Variants in CUEDC1 observed in about 807,000 individuals in gnomAD.
CUEDC1 encodes CUE domain-containing protein 1.
In CUEDC1, 30 loss-of-function variants were observed where a neutral mutation model predicts 43.7. That is an observed-to-expected ratio of 0.69 (90% CI 0.51 to 0.93). The LOEUF is 0.93. Ranked by LOEUF, CUEDC1 falls within the 40% of genes least tolerant of loss-of-function variation. The pLI, the probability that CUEDC1 is intolerant of heterozygous loss-of-function variation, is 0.00. For synonymous variants in CUEDC1, 223 were observed against 223.6 expected (o/e 1.00, Z 0.02); for missense variants, 486 against 549.0 (o/e 0.89, Z 1.15).
Position 57,955,283 on chromosome 17 carries a change from G to A in CUEDC1, c.-374C>T, listed in dbSNP as rs918291327. On this transcript the variant is annotated 5_prime_UTR_variant, in exon 1 of 11. Coordinates refer to ENST00000577830, the MANE Select transcript of CUEDC1 (RefSeq NM_001271875.2). This position sits in a 1 kb window ranked among gnomAD's most constrained non-coding sequence, Gnocchi z 5.3. The stretch of plus-strand genomic sequence containing the variant: ...CCGCAGGGGCCGGGCCGCGGGCCGG[G>A]CGGGGGAGGGGCTGCAATCCGCAGC... The A allele has an allele frequency of 6.8e-6, 1 of 147,166 alleles. No homozygotes were observed. The highest frequency in any genetic ancestry group is 6.8e-5 in the Admixed American group (1 of 14,766). The allele number at this position is 147,166 out of a possible 1,614,324, so 9.1% of individuals were successfully genotyped here.
intron 1 of CUEDC1, among the ~76,000 whole-genome samples, chr17:57,893,624 AC>A (rs141679813): frequency 0.14 from 21,920 of 151,946 alleles, 1,748 homozygotes; most frequent in Non-Finnish European, 0.17. Flanking sequence ...ACCTGTGCCC[AC>A]CCCCAGGCAG....
intron 1 of CUEDC1, among the ~76,000 whole-genome samples, chr17:57,925,131 A>C (rs757626426): frequency 2.0e-5 from 3 of 151,974 alleles, no homozygotes; most frequent in Non-Finnish European, 4.4e-5. Context: ...AAAAAAAAAA[A>C]AGAACAGAGG....
At chr17:57,927,112 T>C (rs540357231) in intron 1 of CUEDC1, among the ~76,000 whole-genome samples, 3 of 152,200 alleles carry the variant, frequency 2.0e-5, no homozygotes, top group Admixed American at 1.3e-4. Flanking sequence ...GGGGCCAATG[T>C]TTAGAATCCT....
chr17:57,924,019 G>A (rs1267032701), intron 1 of CUEDC1, among the ~76,000 whole-genome samples: 1 of 151,890 alleles, frequency 6.6e-6, no homozygotes, highest in Non-Finnish European at 1.5e-5. Context: ...ATATTGCCCA[G>A]GCTGGGCTCC....
intron 1 of CUEDC1, among the ~76,000 whole-genome samples, chr17:57,905,277 C>CACAT (rs747493907): frequency 0.094 from 14,254 of 151,132 alleles, 721 homozygotes; most frequent in African/African-American, 0.12. Context: ...CACACACACA[C>CACAT]ACACACACAC....
chr17:57,893,554 G>C (rs79785306), intron 1 of CUEDC1, among the ~76,000 whole-genome samples: 18,764 of 152,218 alleles, frequency 0.12, 1,498 homozygotes, highest in Non-Finnish European at 0.17. Flanking sequence ...GGCCACAGCT[G>C]CCGGGGCTGC....
intron 1 of CUEDC1, among the ~76,000 whole-genome samples, chr17:57,921,617 T>C (rs559907042): frequency 2.6e-5 from 4 of 152,340 alleles, no homozygotes; most frequent in Admixed American, 2.6e-4. Context: ...CTCTGCAGGC[T>C]CACGAGGGCT....
rs1003112152 is a variant in CUEDC1 at position 57,867,389 on chromosome 17, T to C, written c.1061A>G (p.Asn354Ser). The C allele has an allele frequency of 4.5e-6, 7 of 1,552,344 alleles. No individual in the cohort carries two copies. In the East Asian group the frequency reaches 7.3e-5, roughly 16 times the overall value. Reference protein sequence around the residue: ...QSLGAAASTANLLDDVEGHAC... With the variant: ...QSLGAAASTASLLDDVEGHAC... ...GTGGCCCTCCACATCATCCAGGAGG[T>C]TGGCTGTTGACGCGGCAGCCCCCAG... The change falls in exon 9 of 11, where the codon AAC becomes AGC. Residue 354 changes from asparagine to serine, a missense_variant. Coordinates refer to ENST00000577830, the MANE Select transcript of CUEDC1 (RefSeq NM_001271875.2).
At chr17:57,893,806 G>A (rs191680557) in intron 1 of CUEDC1, among the ~76,000 whole-genome samples, 3 of 152,282 alleles carry the variant, frequency 2.0e-5, no homozygotes, top group East Asian at 3.9e-4. Context: ...TGTAAAACAC[G>A]AGAATTTGGC....
At chr17:57,867,530 C>G in intron 8 of CUEDC1, 115 bp from the exon 9 acceptor site, 3 of 908,986 alleles carry the variant, frequency 3.3e-6, no homozygotes, top group Non-Finnish European at 5.2e-6. Context: ...CTGACACACC[C>G]ACCTGACCCC....
In CUEDC1 at chr17:57,943,711, A is replaced by G. The variant is rs539694221; in HGVS notation, c.-316+11514T>C. 1.4e-4 allele frequency among the ~76,000 whole-genome samples: 22 copies of G among 152,164 alleles called. No homozygotes were observed. In the South Asian group the frequency reaches 4.6e-3, roughly 32 times the overall value. The stretch of plus-strand genomic sequence containing the variant: ...TGCAACCCTCAAAGCAGATAGTAAA[A>G]ATCCACCCCAAAAAAAATCCTTCTC... On this transcript the variant is annotated intron_variant, in intron 1 of 10. Coordinates refer to ENST00000577830, the MANE Select transcript of CUEDC1 (RefSeq NM_001271875.2).
chr17:57,885,274 G>A lies in CUEDC1; in HGVS notation c.291C>T (p.Gly97=). 6.2e-7 allele frequency: 1 copy of A among 1,605,028 alleles called. No homozygotes were observed. Among genetic ancestry groups the A allele is most frequent in the Non-Finnish European group, 8.5e-7 (1 of 1,175,374 alleles). ...CCGAGTCGGAGCTGTCCTCATAGAC[G>A]CCGCCGCTGCTGCCACCGCCCTCCA... is the stretch of plus-strand genomic sequence containing the variant. ...MNLEGGGSSG[G]VYEDSSDSED... is the part of the protein sequence containing the mutation. Residue 97 remains glycine (G), a synonymous_variant, in exon 2 of 11, where the codon GGC becomes GGT. Coordinates refer to ENST00000577830, the MANE Select transcript of CUEDC1 (RefSeq NM_001271875.2).
rs753427174 is a variant in CUEDC1, at chr17:57,885,297, C to G, written c.268G>C (p.Glu90Gln). 2 of 1,610,140 alleles carry G rather than the reference C, an allele frequency of 1.2e-6. No homozygotes were observed. Among genetic ancestry groups the G allele is most frequent in the Non-Finnish European group, 1.7e-6 (2 of 1,178,734 alleles). Residue 90 changes from glutamate (E) to glutamine (Q), a missense_variant, in exon 2 of 11, where the codon GAG becomes CAG. Transcript: ENST00000577830. ...TIDQLLQMNLEGGGSSGGVYE... is the reference protein window; with the variant it reads ...TIDQLLQMNLQGGGSSGGVYE... Reference sequence around the variant, plus strand: ...ACGCCGCCGCTGCTGCCACCGCCCTCCAGGTTCATCTGCAGCAGCTGGTCG... The same window carrying G: ...ACGCCGCCGCTGCTGCCACCGCCCTGCAGGTTCATCTGCAGCAGCTGGTCG...
chr17:57,947,147 GAA>G (rs34707577), intron 1 of CUEDC1, among the ~76,000 whole-genome samples: 15 of 79,800 alleles, frequency 1.9e-4, no homozygotes, highest in African/African-American at 2.8e-4. Context: ...GTCACCAGGA[GAA>G]AAAAAAAAAA....
intron 1 of CUEDC1, among the ~76,000 whole-genome samples, chr17:57,891,943 C>A (rs570190557): frequency 1.3e-5 from 2 of 152,292 alleles, no homozygotes; most frequent in South Asian, 4.1e-4. Context: ...ATGTAAGCTC[C>A]ATGAAGGCAG....
chr17:57,922,879 C>CTCT (rs1199155917), intron 1 of CUEDC1, among the ~76,000 whole-genome samples: 3 of 144,056 alleles, frequency 2.1e-5, no homozygotes, highest in African/African-American at 7.7e-5. Context: ...CTCCCTCTCT[C>CTCT]TTTTTTTTTT....
chr17:57,871,384 C>T lies in CUEDC1; in HGVS notation c.785-15G>A, dbSNP rs138521949. ...TTTCAATCGATCTGGAAAAGGACCA[C>T]ATTCACAGGTCAGGGAGGTTAGCTC... On this transcript the variant is annotated splice_polypyrimidine_tract_variant and intron_variant, in intron 5 of 10. Transcript: ENST00000577830. 26 of 1,611,236 alleles carry T rather than the reference C, an allele frequency of 1.6e-5. No homozygotes were observed. In the East Asian group the frequency reaches 5.6e-4, roughly 35 times the overall value.
chr17:57,872,722 T>C lies in CUEDC1; in HGVS notation c.725A>G (p.Asn242Ser). Residue 242 changes from asparagine (N) to serine (S), a missense_variant, in exon 5 of 11, where the codon AAC becomes AGC. Transcript: ENST00000577830. Reference sequence around the variant, plus strand: ...TTGCAGCTCCTTCATGAACTCCTCGTTCTGCAGGAAAAGCGCGATCCTCTC... The same window carrying C: ...TTGCAGCTCCTTCATGAACTCCTCGCTCTGCAGGAAAAGCGCGATCCTCTC... Reference protein sequence around the residue: ...EDERIALFLQNEEFMKELQRN... With the variant: ...EDERIALFLQSEEFMKELQRN... The C allele has an allele frequency of 6.2e-7, 1 of 1,614,172 alleles. No homozygotes were observed. The highest frequency in any genetic ancestry group is 8.5e-7 in the Non-Finnish European group (1 of 1,180,018).
chr17:57,904,899 A>T (rs181476169), intron 1 of CUEDC1, among the ~76,000 whole-genome samples: 1 of 152,080 alleles, frequency 6.6e-6, no homozygotes, highest in Non-Finnish European at 1.5e-5. Context: ...ACCGGGTCCA[A>T]CTCATCCCCC....
Sources: gnomAD v4.1 joint callset for allele counts (sites outside exome capture counted in the v4.1 genomes callset) on GRCh38, gnomAD v4.1.1 for gene constraint, Gnocchi (gnomAD v3.1) non-coding constraint, MANE v1.5 for transcripts, NCBI Gene and HGNC (gene_info 2026-07-23, HGNC 2026-07-21) for gene names.